Variants in ASXL2 observed in about 807,000 individuals in gnomAD.
ASXL2 encodes putative Polycomb group protein ASXL2.
ASXL2 carries 23 observed loss-of-function variants against 122.0 expected under a neutral mutation model. The observed-to-expected ratio is 0.19, with a 90% CI of 0.14 to 0.27. The LOEUF (loss-of-function observed/expected upper bound fraction) is 0.27. ASXL2 is among the 10% of genes least tolerant of loss of function. The pLI is 1.00. For missense variants in ASXL2, 1,518 were observed against 1,713.8 expected, an observed-to-expected ratio of 0.89 and a Z score of 2.02; for synonymous variants, 650 against 637.0, an observed-to-expected ratio of 1.02 and a Z score of -0.31.
At chr2:25,867,367 G>C (rs1203664274) in intron 1 of ASXL2, among the ~76,000 whole-genome samples, 1 of 152,072 alleles carries the variant, frequency 6.6e-6, no homozygotes, top group African/African-American at 2.4e-5. Context: ...CAGTGTTTTG[G>C]GAGGCCAAGG....
intron 1 of ASXL2, among the ~76,000 whole-genome samples, chr2:25,858,519 T>C (rs2089806944): frequency 6.6e-6 from 1 of 151,774 alleles, no homozygotes; most frequent in South Asian, 2.1e-4. Flanking sequence ...GGTCAAGAGA[T>C]GGAGACCATT....
intron 6 of ASXL2, among the ~76,000 whole-genome samples, chr2:25,770,100 T>A (rs1383967807): frequency 6.6e-6 from 1 of 152,278 alleles, no homozygotes; most frequent in East Asian, 1.9e-4. Flanking sequence ...CCAGTATTCA[T>A]TCCTTGCTCC....
chr2:25,743,994 T>A lies in ASXL2; in HGVS notation c.2343A>T (p.Pro781=), dbSNP rs182514146. 1.2e-3 allele frequency: 1,935 copies of A among 1,613,966 alleles called. 7 individuals carry two copies. The highest frequency in any genetic ancestry group is 1.3e-3 in the Non-Finnish European group (1,570 of 1,179,866). The stretch of plus-strand genomic sequence containing the variant: ...TGCATGCTCCACTGACGGCAGGTGT[T>A]GGAGGCACTGGGGGGGTTTGCTGTA... ...AQLQQTPPVP[P]TPAVSGACTS... Residue 781 remains proline, a synonymous_variant, in exon 13 of 13, where the codon CCA becomes CCT. Transcript: ENST00000435504.
chr2:25,781,556 C>CTTT (rs75386706), intron 5 of ASXL2, among the ~76,000 whole-genome samples: 8 of 128,728 alleles, frequency 6.2e-5, no homozygotes, highest in African/African-American at 2.3e-4. Flanking sequence ...ATCTCAAATT[C>CTTT]TTTTTTTTTT....
intron 3 of ASXL2, among the ~76,000 whole-genome samples, chr2:25,824,049 T>G (rs1448573637): frequency 6.6e-6 from 1 of 152,202 alleles, no homozygotes; most frequent in African/African-American, 2.4e-5. Context: ...AAAGAAAGTG[T>G]TGTGATTTGA....
chr2:25,872,252 C>T (rs1477848275), intron 1 of ASXL2, among the ~76,000 whole-genome samples: 3 of 152,054 alleles, frequency 2.0e-5, no homozygotes, highest in South Asian at 2.1e-4. Flanking sequence ...CGTGGTAGTG[C>T]GTGCTTGTGG....
chr2:25,774,452 C>A (rs1004720376), intron 5 of ASXL2, among the ~76,000 whole-genome samples: 5 of 152,074 alleles, frequency 3.3e-5, no homozygotes, highest in African/African-American at 1.2e-4. Flanking sequence ...TTACTTTTAC[C>A]TCTTTTATAC....
At chr2:25,767,469 G>T in intron 8 of ASXL2, 114 bp downstream of exon 8, 2 of 1,118,244 alleles carry the variant, frequency 1.8e-6, no homozygotes, top group Non-Finnish European at 2.5e-6. Flanking sequence ...TCTAATCTTT[G>T]CTATGTAACT....
chr2:25,743,072 T>C lies in ASXL2; in HGVS notation c.3265A>G (p.Asn1089Asp). 1.2e-6 allele frequency: 2 copies of C among 1,613,994 alleles called. No individual in the cohort carries two copies. Among genetic ancestry groups the C allele is most frequent in the South Asian group, 1.1e-5 (1 of 91,080 alleles). Reference protein sequence around the residue: ...LLSVVPPSQFNFAHSGFQLED... With the variant: ...LLSVVPPSQFDFAHSGFQLED... Reference sequence around the variant, plus strand: ...AGCTGGAAACCTGAGTGAGCGAAGTTGAACTGTGAGGGCGGCACAACTGAG... The same window carrying C: ...AGCTGGAAACCTGAGTGAGCGAAGTCGAACTGTGAGGGCGGCACAACTGAG... Residue 1089 changes from asparagine to aspartate, a missense_variant, in exon 13 of 13, where the codon AAC becomes GAC. Around this residue, in one of 8 missense-constraint regions of ASXL2, gnomAD observed 831 missense variants for 833.1 expected, o/e 1.00. Coordinates refer to ENST00000435504, the MANE Select transcript of ASXL2 (RefSeq NM_018263.6).
chr2:25,877,041 C>CT (rs1404392616), intron 1 of ASXL2, among the ~76,000 whole-genome samples: 1 of 152,030 alleles, frequency 6.6e-6, no homozygotes, highest in Non-Finnish European at 1.5e-5. Flanking sequence ...CTTCTTTATA[C>CT]TTTTTTATAA....
In ASXL2 at chr2:25,846,818, A is replaced by C. The variant is rs2089655840; in HGVS notation, c.58-1255T>G. Among the ~76,000 whole-genome samples, 3 of 152,208 alleles carry C rather than the reference A, an allele frequency of 2.0e-5. No homozygotes were observed. In the South Asian group the frequency reaches 6.2e-4, roughly 31 times the overall value. On this transcript the variant is annotated intron_variant, in intron 1 of 12. Transcript: ENST00000435504. ...GCAACAGAGCCTGTCTCAAAAATAG[A>C]AATAATGTCTAATATACAATTCAAA...
At chr2:25,868,751 G>A (rs1168052969) in intron 1 of ASXL2, among the ~76,000 whole-genome samples, 9 of 152,164 alleles carry the variant, frequency 5.9e-5, no homozygotes, top group Non-Finnish European at 1.2e-4. Context: ...AGAACAGGCT[G>A]GCAGCAATGG....
intron 5 of ASXL2, among the ~76,000 whole-genome samples, chr2:25,784,033 G>T (rs1055344757): frequency 1.3e-5 from 2 of 150,766 alleles, no homozygotes; most frequent in South Asian, 4.2e-4. Flanking sequence ...CAGCCTGGGC[G>T]AAAGAGTGAA....
chr2:25,752,768 C>A (rs1438807923), intron 11 of ASXL2, among the ~76,000 whole-genome samples: 5 of 151,188 alleles, frequency 3.3e-5, no homozygotes, highest in African/African-American at 1.2e-4. Flanking sequence ...TGCTTGAAAC[C>A]AGAAGGCACA....
intron 9 of ASXL2, among the ~76,000 whole-genome samples, chr2:25,757,144 A>G (rs1236090359): frequency 6.6e-6 from 1 of 151,986 alleles, no homozygotes; most frequent in Non-Finnish European, 1.5e-5. Flanking sequence ...ATATTTTTCT[A>G]CTCATTGCTG....
intron 11 of ASXL2, 82 bp from the exon 12 acceptor site, chr2:25,750,495 T>TG: frequency 8.1e-7 from 1 of 1,236,688 alleles, no homozygotes; most frequent in African/African-American, 1.5e-5. Context: ...TAATGGAAGA[T>TG]GACAATGCCT....
chr2:25,768,801 T>G lies in ASXL2; in HGVS notation c.572A>C (p.Asn191Thr). ...QCRPSISISS[N>T]QHLSLKTVKA... The stretch of plus-strand genomic sequence containing the variant: ...GACAGTCTTTAGTGAGAGATGCTGG[T>G]TGGAGGAGATGGATATGCTTGGCCT... Residue 191 changes from asparagine to threonine, a missense_variant, in exon 7 of 13, where the codon AAC becomes ACC. Asn to Thr is a moderately conservative substitution (Grantham distance 65). Transcript: ENST00000435504. 6.2e-7 allele frequency: 1 copy of G among 1,613,852 alleles called. No individual in the cohort carries two copies. The highest frequency in any genetic ancestry group is 8.5e-7 in the Non-Finnish European group (1 of 1,179,806).
intron 3 of ASXL2, among the ~76,000 whole-genome samples, chr2:25,826,691 C>T (rs551844484): frequency 7.3e-6 from 1 of 137,876 alleles, no homozygotes; most frequent in East Asian, 2.1e-4. Context: ...CTGAACTATA[C>T]ACAATCTATA....
At chr2:25,786,248 T>C (rs929567417) in intron 5 of ASXL2, among the ~76,000 whole-genome samples, 1 of 142,010 alleles carries the variant, frequency 7.0e-6, no homozygotes, top group Non-Finnish European at 1.5e-5. Flanking sequence ...TCATTCTTTT[T>C]TTTTTTTTTT....
Sources: gnomAD v4.1 joint callset for allele counts (sites outside exome capture counted in the v4.1 genomes callset) on GRCh38, gnomAD v4.1.1 for gene constraint, gnomAD v4.1.1 regional missense constraint, MANE v1.5 for transcripts, NCBI Gene and HGNC (gene_info 2026-07-23, HGNC 2026-07-21) for gene names.